The following MYO16 variants were observed in gnomAD, a reference collection of about 807,000 sequenced individuals.
MYO16 encodes myosin XVI, also known as unconventional myosin-XVI.
A neutral mutation model predicts 205.3 loss-of-function variants in MYO16; 94 were observed. That is an observed-to-expected ratio of 0.46 (90% CI 0.39 to 0.54). The LOEUF (loss-of-function observed/expected upper bound fraction) is 0.54, where lower values mean the gene tolerates loss of function less well. Ranked by LOEUF, MYO16 falls within the 20% of genes least tolerant of loss-of-function variation. MYO16 has a pLI of 0.00. For missense variants in MYO16, 2,315 were observed against 2,387.5 expected (o/e 0.97, Z 0.63); for synonymous variants, 988 against 954.0 (o/e 1.04, Z -0.66).
intron 2 of MYO16, among the ~76,000 whole-genome samples, chr13:108,693,613 G>A (rs1479111293): frequency 4.6e-5 from 7 of 152,110 alleles, no homozygotes; most frequent in Admixed American, 6.6e-5. Context: ...AAAAAACTTG[G>A]TTGATGCATT....
At chr13:108,724,389 G>T (rs1884267913) in intron 3 of MYO16, among the ~76,000 whole-genome samples, 1 of 152,178 alleles carries the variant, frequency 6.6e-6, no homozygotes, top group African/African-American at 2.4e-5. Flanking sequence ...CCTGGTTTCA[G>T]TGGAAGGGGT....
At chr13:109,156,544 A>T (rs993498033) in intron 32 of MYO16, among the ~76,000 whole-genome samples, 3 of 152,156 alleles carry the variant, frequency 2.0e-5, no homozygotes, top group African/African-American at 7.2e-5. Flanking sequence ...CGTTACTGAA[A>T]CCCGGATCCC....
chr13:109,059,629 G>A (rs9587767), intron 27 of MYO16, among the ~76,000 whole-genome samples: 75,111 of 151,872 alleles, frequency 0.49, 18,567 homozygotes, highest in Middle Eastern at 0.55. Context: ...TTGTAAATTT[G>A]TTTAAGTTCC....
At chr13:109,171,974 TG>T (rs1436366648) in intron 33 of MYO16, among the ~76,000 whole-genome samples, 1 of 152,206 alleles carries the variant, frequency 6.6e-6, no homozygotes, top group African/African-American at 2.4e-5. Context: ...GGCAAAAGGT[TG>T]GGGGCCATCA....
chr13:109,122,016 T>G (rs1250727847), intron 29 of MYO16, among the ~76,000 whole-genome samples: 2 of 152,170 alleles, frequency 1.3e-5, no homozygotes, highest in East Asian at 3.9e-4. Flanking sequence ...GCAAGTCCTA[T>G]TTGCATGTTT....
At position 108,712,668 on chromosome 13, in the gene MYO16, G is replaced by C; in HGVS notation, c.300G>C (p.Arg100=). The C allele has an allele frequency of 6.2e-7, 1 of 1,614,076 alleles. No homozygotes were observed. Among genetic ancestry groups the C allele is most frequent in the Middle Eastern group, 1.6e-4 (1 of 6,062 alleles). Residue 100 remains arginine, a synonymous_variant, in exon 3 of 35, where the codon CGG becomes CGC. Coordinates refer to ENST00000457511, the MANE Select transcript of MYO16 (RefSeq NM_001198950.3). ...IIHHNDKEVL[R]LLKEGADPHT... ...CCTCTCTGTTGTTTTCAGTGCTTCG[G>C]CTCCTGAAGGAGGGGGCAGACCCCC...
At chr13:108,744,865 G>T (rs1017973848) in intron 4 of MYO16, among the ~76,000 whole-genome samples, 2 of 152,058 alleles carry the variant, frequency 1.3e-5, no homozygotes, top group Non-Finnish European at 2.9e-5. Context: ...TTTAGTTTTT[G>T]ATTTTATAAA....
At chr13:108,524,679 C>T in the MYO16 span, among the ~76,000 whole-genome samples, 325 of 152,242 alleles carry the variant, frequency 2.1e-3, 2 homozygotes, top group African/African-American at 7.3e-3. Flanking sequence ...CTTTGCCTTA[C>T]CTCACCAGTG....
chr13:108,501,023 T>C, the MYO16 span, among the ~76,000 whole-genome samples: 42,622 of 152,060 alleles, frequency 0.28, 6,471 homozygotes, highest in Non-Finnish European at 0.34. Context: ...CCCTGTACAC[T>C]GGGCATGAGC....
the MYO16 span, among the ~76,000 whole-genome samples, chr13:108,559,624 C>A: frequency 6.6e-6 from 1 of 151,770 alleles, no homozygotes; most frequent in East Asian, 1.9e-4. Flanking sequence ...CAGGCACCCG[C>A]CACCACGCCC....
At chr13:109,077,649 CAAG>C (rs1200556689) in intron 27 of MYO16, among the ~76,000 whole-genome samples, 1 of 152,008 alleles carries the variant, frequency 6.6e-6, no homozygotes, top group East Asian at 1.9e-4. Context: ...GCACTTTTTC[CAAG>C]AAGAAAGCTG....
At chr13:108,817,268 A>C (rs1240808512) in intron 7 of MYO16, among the ~76,000 whole-genome samples, 1 of 152,226 alleles carries the variant, frequency 6.6e-6, no homozygotes, top group African/African-American at 2.4e-5. Flanking sequence ...AAGAGCCAGA[A>C]ACAAATGGCT....
intron 2 of MYO16, among the ~76,000 whole-genome samples, chr13:108,695,644 A>G (rs1883063937): frequency 6.6e-6 from 1 of 152,124 alleles, no homozygotes; most frequent in Admixed American, 6.5e-5. Flanking sequence ...AGGTCAATTT[A>G]CCAAAAAATG....
chr13:108,950,809 G>C (rs764929166), intron 16 of MYO16, among the ~76,000 whole-genome samples: 1 of 152,166 alleles, frequency 6.6e-6, no homozygotes, highest in Non-Finnish European at 1.5e-5. Flanking sequence ...TTCTCAGACG[G>C]GTAAGTGGCT....
intron 27 of MYO16, among the ~76,000 whole-genome samples, chr13:109,062,909 T>C (rs1366868940): frequency 6.6e-6 from 1 of 152,204 alleles, no homozygotes; most frequent in East Asian, 1.9e-4. Context: ...AAAATATTTA[T>C]TTTGTATTTA....
chr13:109,203,011 T>A (rs1229512925), intron 34 of MYO16, among the ~76,000 whole-genome samples: 1 of 152,218 alleles, frequency 6.6e-6, no homozygotes, highest in Non-Finnish European at 1.5e-5. Flanking sequence ...AGAATGAAAC[T>A]GGATCCTCAC....
intron 3 of MYO16, among the ~76,000 whole-genome samples, chr13:108,724,000 A>G (rs1884252844): frequency 6.6e-6 from 1 of 151,990 alleles, no homozygotes. Context: ...TATCTCACTA[A>G]CGTTTTGTTG....
intron 28 of MYO16, among the ~76,000 whole-genome samples, chr13:109,114,470 G>A (rs766121408): frequency 1.2e-4 from 18 of 152,258 alleles, no homozygotes; most frequent in African/African-American, 4.1e-4. Flanking sequence ...AATGTCATAC[G>A]TCCTCTCTAA....
At chr13:108,546,603 C>G in the MYO16 span, among the ~76,000 whole-genome samples, 1 of 152,062 alleles carries the variant, frequency 6.6e-6, no homozygotes, top group South Asian at 2.1e-4. Context: ...TGTCCTCATT[C>G]ACTTTCTGAA....
Sources: allele counts gnomAD v4.1 joint callset (sites outside exome capture counted in the v4.1 genomes callset), GRCh38; gene constraint gnomAD v4.1.1; transcripts MANE v1.5; gene names NCBI Gene and HGNC (gene_info 2026-07-23, HGNC 2026-07-21).